The following CHD1 variants were observed in gnomAD, a reference collection of about 807,000 sequenced individuals.
The protein encoded by CHD1 is ATP-dependent chromatin remodeler CHD1.
Under a neutral mutation model 224.2 loss-of-function variants are expected in CHD1, and 36 were observed. That is an observed-to-expected ratio of 0.16 (90% confidence interval 0.12 to 0.21). The LOEUF (loss-of-function observed/expected upper bound fraction) is 0.21. Ranked by LOEUF, CHD1 falls within the 10% of genes least tolerant of loss-of-function variation. CHD1 has a pLI of 1.00. For missense variants in CHD1, 1,378 were observed against 1,994.8 expected, an observed-to-expected ratio of 0.69 and a Z score of 5.89; for synonymous variants, 668 against 658.3, an observed-to-expected ratio of 1.01 and a Z score of -0.23.
rs1452716180 is a variant in CHD1, at chr5:98,855,419, CCTTT to C, written c.*957_*960del. 1.3e-5 allele frequency: 2 copies of C among 152,420 alleles called. No individual in the cohort carries two copies. The highest frequency in any genetic ancestry group is 2.9e-5 in the Non-Finnish European group (2 of 67,978). The allele number at this position is 152,420 out of a possible 1,614,324, so 9.4% of individuals were successfully genotyped here. A position where few individuals can be genotyped will look rare whatever the true frequency, so the allele number is the denominator to read the frequency against. On this transcript the variant is annotated 3_prime_UTR_variant, in exon 36 of 36. Coordinates refer to ENST00000614616, the MANE Select transcript of CHD1 (RefSeq NM_001270.4). ...TTCTGAAAAGTGTTTATACACCTAC[CCTTT>C]TAAACCAGATGCATCTGAAAAAAGT...
chr5:98,866,714 G>A (rs1171816306), intron 31 of CHD1, among the ~76,000 whole-genome samples: 2 of 152,068 alleles, frequency 1.3e-5, no homozygotes, highest in Admixed American at 6.5e-5. Context: ...ATATAAATTT[G>A]TGTATATTGT....
intron 13 of CHD1, among the ~76,000 whole-genome samples, chr5:98,894,137 G>A (rs1751198554): frequency 6.6e-6 from 1 of 152,198 alleles, no homozygotes. Context: ...TTTTGAGACT[G>A]ATTTTCTTTT....
At chr5:98,927,982 G>T (rs7724992) in intron 1 of CHD1, among the ~76,000 whole-genome samples, 1 of 152,106 alleles carries the variant, frequency 6.6e-6, no homozygotes, top group Non-Finnish European at 1.5e-5. Flanking sequence ...CTTTGCTCCT[G>T]CTAAGTTTTT....
chr5:98,891,597 G>A (rs1156896266), intron 15 of CHD1, among the ~76,000 whole-genome samples: 4 of 151,932 alleles, frequency 2.6e-5, no homozygotes, highest in Non-Finnish European at 4.4e-5. Flanking sequence ...GATCGCTTGG[G>A]GCCAGGAGTT....
In CHD1 at chr5:98,855,355, AAAAC is replaced by A. The variant is rs1451107782; in HGVS notation, c.*1021_*1024del. ...GACATTATTGCCCACATAAAACGGG[AAAAC>A]AAACGGATTTACAATAACTTTTGGC... On this transcript the variant is annotated 3_prime_UTR_variant, in exon 36 of 36. Coordinates refer to ENST00000614616, the MANE Select transcript of CHD1 (RefSeq NM_001270.4). The A allele has an allele frequency of 1.3e-5, 2 of 152,616 alleles. No homozygotes were observed. The highest frequency in any genetic ancestry group is 6.5e-5 in the Admixed American group (1 of 15,280). The allele number at this position is 152,616 out of a possible 1,614,324, so 9.5% of individuals were successfully genotyped here.
intron 2 of CHD1, among the ~76,000 whole-genome samples, chr5:98,919,975 G>GT (rs537432221): frequency 3.5e-4 from 53 of 152,258 alleles, no homozygotes; most frequent in African/African-American, 1.3e-3. Context: ...AAGTAAGGCA[G>GT]TGTGTAAAAG....
In CHD1 at chr5:98,889,169, G is replaced by A. The variant is rs1013137793; in HGVS notation, c.2250C>T (p.Asn750=). The A allele has an allele frequency of 2.5e-6, 4 of 1,609,640 alleles. No homozygotes were observed. The highest frequency in any genetic ancestry group is 3.3e-5 in the Admixed American group (2 of 59,944). ...AACATTTCTTTAGCTCCATCATAAT[G>A]TTCAAAAAGCCTGAGGTACTGCCCT... ...GSKGSTSGFL[N]IMMELKKCCN... The change falls in exon 16 of 36, where the codon AAC becomes AAT. Residue 750 remains asparagine (N), a synonymous_variant. Coordinates refer to ENST00000614616, the MANE Select transcript of CHD1 (RefSeq NM_001270.4).
intron 3 of CHD1, among the ~76,000 whole-genome samples, chr5:98,904,544 G>C (rs564381344): frequency 1.9e-4 from 29 of 152,294 alleles, no homozygotes; most frequent in African/African-American, 6.7e-4. Context: ...TGAAGCTCTT[G>C]AAAGTAGAGA....
chr5:98,907,606 A>G (rs890248783), intron 2 of CHD1, among the ~76,000 whole-genome samples: 5 of 150,868 alleles, frequency 3.3e-5, no homozygotes, highest in Non-Finnish European at 7.4e-5. Flanking sequence ...AAAAAAAAAA[A>G]GCAAAAAGAG....
Position 98,872,042 on chromosome 5 carries a change from G to C in CHD1, c.3861+9C>G. ...TGAATGGTTAACAGAATCAGAAATA[G>C]ATAAATACCTTGTGTGTTAGACTGA... is the stretch of plus-strand genomic sequence containing the variant. On this transcript the variant is annotated intron_variant, in intron 28 of 35. Transcript: ENST00000614616. 2 of 1,597,330 alleles carry C rather than the reference G, an allele frequency of 1.3e-6. No homozygotes were observed. Among genetic ancestry groups the C allele is most frequent in the Non-Finnish European group, 1.7e-6 (2 of 1,170,698 alleles).
chr5:98,902,854 C>A, intron 5 of CHD1, 46 bp downstream of exon 5: 2 of 1,181,334 alleles, frequency 1.7e-6, no homozygotes, highest in Non-Finnish European at 1.2e-6. Flanking sequence ...ATGAAATAAT[C>A]AGGATTTTTC....
intron 30 of CHD1, chr5:98,869,023 C>T: frequency 1.2e-6 from 1 of 854,242 alleles, no homozygotes; most frequent in Non-Finnish European, 1.4e-6. Context: ...CCTTTTCTTC[C>T]TTTATGTCTT....
chr5:98,919,973 C>T (rs942212921), intron 2 of CHD1, among the ~76,000 whole-genome samples: 2 of 152,066 alleles, frequency 1.3e-5, no homozygotes, highest in African/African-American at 4.8e-5. Flanking sequence ...AAAAGTAAGG[C>T]AGTGTGTAAA....
At chr5:98,859,165 T>C (rs1748277413) in intron 33 of CHD1, 150 bp from the exon 34 acceptor site, 1 of 524,634 alleles carries the variant, frequency 1.9e-6, no homozygotes. Context: ...ATGACATTTA[T>C]AGATCTCCAT....
chr5:98,924,985 A>G (rs1297215661), intron 2 of CHD1, among the ~76,000 whole-genome samples: 1 of 151,994 alleles, frequency 6.6e-6, no homozygotes, highest in African/African-American at 2.4e-5. Context: ...CTCAAAAAAA[A>G]AAAAAGAAAA....
chr5:98,910,869 C>T (rs942741096), intron 2 of CHD1, among the ~76,000 whole-genome samples: 2 of 151,502 alleles, frequency 1.3e-5, no homozygotes, highest in Admixed American at 6.6e-5. Flanking sequence ...TCTGATTCTA[C>T]AAATAGTGAT....
At chr5:98,917,778 T>G (rs1281882722) in intron 2 of CHD1, among the ~76,000 whole-genome samples, 1 of 152,222 alleles carries the variant, frequency 6.6e-6, no homozygotes, top group African/African-American at 2.4e-5. Flanking sequence ...TCTCAATCTA[T>G]CTACACCAAA....
At chr5:98,863,344 C>CAAA in intron 32 of CHD1, 64 bp downstream of exon 32, 11 of 796,100 alleles carry the variant, frequency 1.4e-5, no homozygotes, top group South Asian at 1.0e-4. Context: ...GGAAAGAAAA[C>CAAA]AAAAAAAAAA....
At chr5:98,905,803 C>T (rs1580484761) in intron 2 of CHD1, among the ~76,000 whole-genome samples, 1 of 151,990 alleles carries the variant, frequency 6.6e-6, no homozygotes. Flanking sequence ...ATAAACTATC[C>T]TTTTTTCCAT....
Sources: gnomAD v4.1 joint callset for allele counts (sites outside exome capture counted in the v4.1 genomes callset) on GRCh38, gnomAD v4.1.1 for gene constraint, MANE v1.5 for transcripts, NCBI Gene and HGNC (gene_info 2026-07-23, HGNC 2026-07-21) for gene names.